The following MAP3K2 variants were observed in gnomAD, a reference collection of about 807,000 sequenced individuals.
The protein encoded by MAP3K2 is mitogen-activated protein kinase kinase kinase 2, also known as MAP/ERK kinase kinase 2.
In MAP3K2, 24 loss-of-function variants were observed where a neutral mutation model predicts 80.3. The ratio of observed to expected loss-of-function variants is 0.30; its 90% CI spans 0.22 to 0.42. MAP3K2 has a LOEUF of 0.42. Among genes scored for constraint, MAP3K2 ranks in the 10% least tolerant of loss-of-function variants. The probability of loss-of-function intolerance (pLI) is 1.00; values close to 1 mark genes in which losing one functional copy is unlikely to be tolerated. For missense variants in MAP3K2, 608 were observed against 750.1 expected (o/e 0.81, Z 2.21); for synonymous variants, 244 against 253.7 (o/e 0.96, Z 0.36).
At chr2:127,334,453 G>T (rs1686325648) in intron 5 of MAP3K2, among the ~76,000 whole-genome samples, 1 of 151,992 alleles carries the variant, frequency 6.6e-6, no homozygotes, top group Non-Finnish European at 1.5e-5. Context: ...ATTCTTTTTT[G>T]TTCAGACAGC....
intron 1 of MAP3K2, among the ~76,000 whole-genome samples, chr2:127,385,334 A>C (rs549575715): frequency 6.6e-6 from 1 of 152,234 alleles, no homozygotes; most frequent in Non-Finnish European, 1.5e-5. Flanking sequence ...ACCAGCAAAA[A>C]GATTACAATT....
At chr2:127,331,951 G>A (rs995943038) in intron 5 of MAP3K2, among the ~76,000 whole-genome samples, 3 of 152,154 alleles carry the variant, frequency 2.0e-5, no homozygotes, top group Non-Finnish European at 4.4e-5. Flanking sequence ...CGAATATAAA[G>A]AAGGATTTAT....
chr2:127,388,219 G>A, upstream of MAP3K2: 3 of 982,746 alleles, frequency 3.1e-6, no homozygotes, highest in Non-Finnish European at 3.6e-6. Context: ...GGCAGCCTGT[G>A]CTGTTCCGTG....
chr2:127,372,297 TC>T (rs1687079180), intron 1 of MAP3K2, among the ~76,000 whole-genome samples: 1 of 151,976 alleles, frequency 6.6e-6, no homozygotes, highest in Non-Finnish European at 1.5e-5. Context: ...CCATACTGGG[TC>T]CCCAATGCCC....
In MAP3K2 at chr2:127,305,690, AAATAAAGTACT is replaced by A. The variant is rs1685682101; in HGVS notation, c.*1878_*1888del. On this transcript the variant is annotated 3_prime_UTR_variant, in exon 17 of 17. Transcript: ENST00000682094. ...TTCTAGACCTTTAAAATAAAGTACT[AAATAAAGTACT>A]AATAAAGTACTTAGCACTTGCTTTA... is the stretch of plus-strand genomic sequence containing the variant. The A allele has an allele frequency of 6.6e-6, 1 of 152,150 alleles. No homozygotes were observed. The highest frequency in any genetic ancestry group is 1.5e-5 in the Non-Finnish European group (1 of 68,008). 9.4% of individuals were successfully genotyped at this position (152,150 alleles called of 1,614,324 possible).
rs1281760443 is a variant in MAP3K2 at position 127,310,698 on chromosome 2, T to C, written c.1457-1936A>G. 6.6e-6 allele frequency among the ~76,000 whole-genome samples: 1 copy of C among 152,056 alleles called. No homozygotes were observed. The highest frequency in any genetic ancestry group is 2.4e-5 in the African/African-American group (1 of 41,416). On this transcript the variant is annotated intron_variant, in intron 15 of 16. Coordinates refer to ENST00000682094, the MANE Select transcript of MAP3K2 (RefSeq NM_001371910.2). This position sits in a 1 kb window ranked among gnomAD's most constrained non-coding sequence, Gnocchi z 4.8. Reference sequence around the variant, plus strand: ...AAGCTTGGGCACTAGGCTCACTTGTTTTTTATTCTCTATTTTCACTCTTAT... The same window carrying C: ...AAGCTTGGGCACTAGGCTCACTTGTCTTTTATTCTCTATTTTCACTCTTAT...
At chr2:127,323,537 A>T (rs1383229174) in intron 11 of MAP3K2, among the ~76,000 whole-genome samples, 4 of 152,068 alleles carry the variant, frequency 2.6e-5, no homozygotes, top group Admixed American at 6.6e-5. Context: ...AAATTTTTTA[A>T]TTAGCTGGGT....
intron 7 of MAP3K2, among the ~76,000 whole-genome samples, chr2:127,328,072 C>T (rs948451364): frequency 9.2e-5 from 14 of 152,094 alleles, no homozygotes; most frequent in Admixed American, 6.6e-4. Flanking sequence ...GTCAGGAGTT[C>T]GAGACCAATC....
chr2:127,367,774 C>CAGAGTG (rs1450361864), intron 1 of MAP3K2, among the ~76,000 whole-genome samples: 9 of 152,104 alleles, frequency 5.9e-5, no homozygotes, highest in Non-Finnish European at 1.2e-4. Flanking sequence ...GCCTGGGTGA[C>CAGAGTG]AGAGTGAGAC....
intron 1 of MAP3K2, among the ~76,000 whole-genome samples, chr2:127,347,637 CAA>C (rs1473780509): frequency 6.6e-6 from 1 of 152,016 alleles, no homozygotes; most frequent in Non-Finnish European, 1.5e-5. Context: ...AATGGGAAAA[CAA>C]TATTTTTAAG....
At position 127,326,927 on chromosome 2, in the gene MAP3K2, A is replaced by G. The variant is rs967065551; in HGVS notation, c.467-110T>C. ...TCATTAATAATTTCAGCAAAAGAAA[A>G]TTCAATTTTTATTAAAACTTATCAG... is the stretch of plus-strand genomic sequence containing the variant. On this transcript the variant is annotated intron_variant, in intron 7 of 16. Coordinates refer to ENST00000682094, the MANE Select transcript of MAP3K2 (RefSeq NM_001371910.2). 5 of 662,444 alleles carry G rather than the reference A, an allele frequency of 7.5e-6. No individual in the cohort carries two copies. The Admixed American group carries it at 9.2e-5, about 12-fold the overall frequency. The allele number at this position is 662,444 out of a possible 1,614,324, so 41.0% of individuals were successfully genotyped here. A position where few individuals can be genotyped will look rare whatever the true frequency, so the allele number is the denominator to read the frequency against.
Position 127,325,737 on chromosome 2 carries a change from G to A in MAP3K2, c.668C>T (p.Pro223Leu). ...CTACGATAAACATTACCCATCCAAAGGACTATCAAGTGATGGACAACTTCC... is the reference window on the plus strand; with the variant it reads ...CTACGATAAACATTACCCATCCAAAAGACTATCAAGTGATGGACAACTTCC... ...GSGSCPSLDS[P>L]LDGESYPKSR... The change falls in exon 9 of 17, where the codon CCT becomes CTT. Residue 223 changes from proline (P) to leucine (L), a missense_variant. By Grantham distance (98) the Pro-to-Leu change is moderately conservative (BLOSUM62 -3). Around this residue, in one of 4 missense-constraint regions of MAP3K2, gnomAD observed 467 missense variants for 521.9 expected, o/e 0.89. Coordinates refer to ENST00000682094, the MANE Select transcript of MAP3K2 (RefSeq NM_001371910.2). The A allele has an allele frequency of 6.2e-7, 1 of 1,610,924 alleles. No homozygotes were observed. The highest frequency in any genetic ancestry group is 8.5e-7 in the Non-Finnish European group (1 of 1,177,556).
intron 15 of MAP3K2, among the ~76,000 whole-genome samples, chr2:127,313,388 A>G (rs1290265797): frequency 6.6e-6 from 1 of 152,194 alleles, no homozygotes; most frequent in Non-Finnish European, 1.5e-5. Flanking sequence ...GTAGATCATG[A>G]GCAATGTCCC....
At chr2:127,361,987 C>T (rs1304306891) in intron 1 of MAP3K2, among the ~76,000 whole-genome samples, 1 of 152,212 alleles carries the variant, frequency 6.6e-6, no homozygotes, top group Non-Finnish European at 1.5e-5. Flanking sequence ...CAGTTCTCTT[C>T]CTCCAAACAG....
chr2:127,380,946 T>C (rs145188002), intron 1 of MAP3K2, among the ~76,000 whole-genome samples: 1 of 152,226 alleles, frequency 6.6e-6, no homozygotes, highest in Admixed American at 6.5e-5. Context: ...ACATATCTCA[T>C]CAGAAATTCA....
chr2:127,371,136 C>A lies in MAP3K2; in HGVS notation c.-66+16316G>T, dbSNP rs139352580. ...GCCCATTTCCTTACGAAAGGAATGACTGAAGCCTTGGCAGACAACTTCCGT... is the reference window on the plus strand; with the variant it reads ...GCCCATTTCCTTACGAAAGGAATGAATGAAGCCTTGGCAGACAACTTCCGT... On this transcript the variant is annotated intron_variant, in intron 1 of 16. Coordinates refer to ENST00000682094, the MANE Select transcript of MAP3K2 (RefSeq NM_001371910.2). Among the ~76,000 whole-genome samples the A allele has an allele frequency of 2.5e-3, 385 of 152,322 alleles. 2 individuals are homozygous for A. The highest frequency in any genetic ancestry group is 8.7e-3 in the African/African-American group (363 of 41,566).
chr2:127,356,144 T>C (rs1455838391), intron 1 of MAP3K2, among the ~76,000 whole-genome samples: 1 of 152,124 alleles, frequency 6.6e-6, no homozygotes, highest in African/African-American at 2.4e-5. Context: ...AAGTTGTCCA[T>C]CAGGGCTGGA....
At chr2:127,348,289 G>A (rs1474708583) in intron 1 of MAP3K2, among the ~76,000 whole-genome samples, 1 of 152,116 alleles carries the variant, frequency 6.6e-6, no homozygotes, top group African/African-American at 2.4e-5. Flanking sequence ...TCAGGAGGCT[G>A]AGGCAGGAGA....
chr2:127,324,374 T>C (rs1686089215), intron 9 of MAP3K2, 133 bp from the exon 10 acceptor site: 3 of 522,636 alleles, frequency 5.7e-6, no homozygotes, highest in African/African-American at 4.0e-5. Flanking sequence ...TTTGAAAGGT[T>C]AGCATACCTA....
Sources: allele counts gnomAD v4.1 joint callset (sites outside exome capture counted in the v4.1 genomes callset), GRCh38; gene constraint gnomAD v4.1.1; regional missense constraint gnomAD v4.1.1; non-coding constraint Gnocchi (gnomAD v3.1); transcripts MANE v1.5; gene names NCBI Gene and HGNC (gene_info 2026-07-23, HGNC 2026-07-21).